LRP1B: variants seen among roughly 807,000 people sequenced by gnomAD.
LRP1B encodes the protein low-density lipoprotein receptor-related protein 1B.
Under a neutral mutation model 556.6 loss-of-function variants are expected in LRP1B, and 217 were observed. That is an observed-to-expected ratio of 0.39 (90% CI 0.35 to 0.44). The LOEUF (loss-of-function observed/expected upper bound fraction) is 0.44. Among genes scored for constraint, LRP1B ranks in the 20% least tolerant of loss-of-function variants. The pLI is 1.00. For synonymous variants in LRP1B, 2,047 were observed against 1,865.8 expected (o/e 1.10, Z -2.50); for missense variants, 5,053 against 5,620.8 (o/e 0.90, Z 3.23).
chr2:141,466,527 G>A (rs1342208761), intron 3 of LRP1B, among the ~76,000 whole-genome samples: 1 of 152,168 alleles, frequency 6.6e-6, no homozygotes, highest in Non-Finnish European at 1.5e-5. Context: ...CTGTGTGTTA[G>A]TTAAAATCCT....
intron 87 of LRP1B, among the ~76,000 whole-genome samples, chr2:140,241,357 C>T (rs1439180201): frequency 6.6e-6 from 1 of 150,866 alleles, no homozygotes; most frequent in Non-Finnish European, 1.5e-5. Flanking sequence ...AATATATCTA[C>T]TTCATTTTCC....
intron 35 of LRP1B, among the ~76,000 whole-genome samples, chr2:140,748,802 AT>A (rs1688460362): frequency 2.7e-5 from 3 of 111,910 alleles, no homozygotes; most frequent in Non-Finnish European, 3.7e-5. Flanking sequence ...TTATATACAT[AT>A]TATATACATG....
intron 2 of LRP1B, among the ~76,000 whole-genome samples, chr2:141,743,701 GT>G (rs1335896969): frequency 1.6e-4 from 24 of 151,740 alleles, no homozygotes; most frequent in African/African-American, 5.8e-4. Flanking sequence ...AAATGTTCTG[GT>G]TTTGGAGTTT....
chr2:141,110,022 G>C (rs942389626), intron 7 of LRP1B, among the ~76,000 whole-genome samples: 2 of 151,862 alleles, frequency 1.3e-5, no homozygotes, highest in Non-Finnish European at 2.9e-5. Context: ...CAGAGAGTGG[G>C]GAAAACTACT....
chr2:141,402,205 A>G (rs930957353), intron 3 of LRP1B, among the ~76,000 whole-genome samples: 2 of 152,100 alleles, frequency 1.3e-5, no homozygotes, highest in African/African-American at 4.8e-5. Context: ...AGCATAGATC[A>G]TATTTTGCTT....
intron 1 of LRP1B, among the ~76,000 whole-genome samples, chr2:141,991,974 C>A (rs1451483539): frequency 6.6e-6 from 1 of 152,072 alleles, no homozygotes; most frequent in African/African-American, 2.4e-5. Flanking sequence ...CCAGGACTCC[C>A]TTGGATATCA....
In LRP1B at chr2:141,210,405, C is replaced by A. The variant is rs563673935; in HGVS notation, c.850+18778G>T. ...CTACTTGCCACAAAAGTAATAATTT[C>A]TCTCTTTTCTTTGTTCACTTTTCTA... is the stretch of plus-strand genomic sequence containing the variant. On this transcript the variant is annotated intron_variant, in intron 6 of 90. Transcript: ENST00000389484. Among the ~76,000 whole-genome samples the A allele has an allele frequency of 2.0e-5, 3 of 152,216 alleles. No individual in the cohort carries two copies. The East Asian group carries it at 5.8e-4, about 29-fold the overall frequency.
In LRP1B at chr2:141,316,660, G is replaced by T. The variant is rs577039652; in HGVS notation, c.344-62019C>A. On this transcript the variant is annotated intron_variant, in intron 3 of 90. Coordinates refer to ENST00000389484, the MANE Select transcript of LRP1B (RefSeq NM_018557.3). ...CAAAAGAAGTTCTGAGCATTGAAGG[G>T]TACATAAAGAAAGAGAGGGAAATGA... Among the ~76,000 whole-genome samples, 565 of 152,276 alleles carry T rather than the reference G, an allele frequency of 3.7e-3. 7 individuals carry two copies. The highest frequency in any genetic ancestry group is 6.3e-3 in the Non-Finnish European group (431 of 68,022).
rs1699319703 is a variant in LRP1B, at chr2:141,061,006, A to G, written c.1236+1045T>C. On this transcript the variant is annotated intron_variant, in intron 8 of 90. Transcript: ENST00000389484. ...ATTTATTTGAACTCCCTATCTTCAT[A>G]ACAAGGTTTAATTTTTTAATTGCAA... 2.0e-5 allele frequency among the ~76,000 whole-genome samples: 3 copies of G among 151,898 alleles called. No individual in the cohort carries two copies. The East Asian group carries it at 5.8e-4, about 30-fold the overall frequency.
Position 140,534,125 on chromosome 2 carries a change from C to T in LRP1B, c.7658G>A (p.Arg2553Gln), listed in dbSNP as rs527342957. 41 of 1,612,398 alleles carry T rather than the reference C, an allele frequency of 2.5e-5. No individual in the cohort carries two copies. Among genetic ancestry groups the T allele is most frequent in the African/African-American group, 8.0e-5 (6 of 74,922 alleles). Residue 2553 changes from arginine (R) to glutamine (Q), a missense_variant, in exon 47 of 91, where the codon CGA becomes CAA. By Grantham distance (43) the Arg-to-Gln change is conservative. Coordinates refer to ENST00000389484, the MANE Select transcript of LRP1B (RefSeq NM_018557.3). ...KLLYCENRSC[R>Q]RGFKPCYNRR... The stretch of plus-strand genomic sequence containing the variant: ...ATTATAGCATGGCTTGAAGCCTCTT[C>T]GACAGCTTCTGTTTTCTTATAAATA...
chr2:140,810,691 T>C (rs1182394297), intron 32 of LRP1B, among the ~76,000 whole-genome samples: 3 of 152,114 alleles, frequency 2.0e-5, no homozygotes, highest in Non-Finnish European at 4.4e-5. Flanking sequence ...GCTAGGTGTA[T>C]TTTGGTATGT....
In LRP1B at chr2:141,426,976, T is replaced by C. The variant is rs192821652; in HGVS notation, c.343+53420A>G. On this transcript the variant is annotated intron_variant, in intron 3 of 90. Transcript: ENST00000389484. ...GTGCCATGGTGGTTTGCTGCACCCA[T>C]CAACCTGTCATCTACATTAGGTATT... 1.3e-4 allele frequency among the ~76,000 whole-genome samples: 20 copies of C among 152,282 alleles called. No individual in the cohort carries two copies. The East Asian group carries it at 3.9e-3, about 29-fold the overall frequency.
intron 66 of LRP1B, among the ~76,000 whole-genome samples, chr2:140,425,206 T>C (rs1685604494): frequency 6.6e-6 from 1 of 152,206 alleles, no homozygotes; most frequent in African/African-American, 2.4e-5. Flanking sequence ...TCACTGTTAG[T>C]GACAATAGAT....
At chr2:141,927,614 C>T (rs2104987226) in intron 1 of LRP1B, among the ~76,000 whole-genome samples, 1 of 152,044 alleles carries the variant, frequency 6.6e-6, no homozygotes, top group South Asian at 2.1e-4. Context: ...TTTTTCTATG[C>T]TATCTTTCAA....
intron 51 of LRP1B, among the ~76,000 whole-genome samples, chr2:140,513,824 G>A (rs998503748): frequency 6.6e-6 from 1 of 151,984 alleles, no homozygotes; most frequent in Non-Finnish European, 1.5e-5. Flanking sequence ...TCCTAAAAGA[G>A]GATGATAACA....
chr2:140,331,395 C>T (rs539367667), intron 79 of LRP1B, among the ~76,000 whole-genome samples: 49 of 151,894 alleles, frequency 3.2e-4, no homozygotes, highest in Non-Finnish European at 5.9e-4. Flanking sequence ...GTGTCTTATA[C>T]GGTGCCCAAT....
At chr2:141,510,367 C>T (rs1220196171) in intron 2 of LRP1B, among the ~76,000 whole-genome samples, 2 of 152,074 alleles carry the variant, frequency 1.3e-5, no homozygotes, top group African/African-American at 4.8e-5. Context: ...CCGTCTCTCT[C>T]AAAAGAAAGA....
chr2:140,441,820 A>G, intron 66 of LRP1B, among the ~76,000 whole-genome samples: 1 of 152,220 alleles, frequency 6.6e-6, no homozygotes, highest in East Asian at 1.9e-4. Flanking sequence ...ATTAATGTTA[A>G]TAAATGCTGA....
chr2:141,076,737 C>T (rs1000748911), intron 7 of LRP1B, among the ~76,000 whole-genome samples: 16 of 152,262 alleles, frequency 1.1e-4, no homozygotes, highest in African/African-American at 3.4e-4. Context: ...GAAAACTAGA[C>T]CCTAGGTTCT....
Sources: gnomAD v4.1 joint callset for allele counts (sites outside exome capture counted in the v4.1 genomes callset) on GRCh38, gnomAD v4.1.1 for gene constraint, MANE v1.5 for transcripts, NCBI Gene and HGNC (gene_info 2026-07-23, HGNC 2026-07-21) for gene names.